Variants in RELN observed in about 807,000 individuals in gnomAD.
RELN encodes reelin.
A neutral mutation model predicts 427.6 loss-of-function variants in RELN; 108 were observed. That is an observed-to-expected ratio of 0.25 (90% CI 0.22 to 0.30). RELN has a LOEUF of 0.30. RELN is among the 10% of genes least tolerant of loss of function. RELN has a pLI of 1.00. For synonymous variants in RELN, 1,524 were observed against 1,513.4 expected (o/e 1.01, Z -0.16); for missense variants, 3,715 against 4,302.8 (o/e 0.86, Z 3.82).
In RELN at chr7:103,577,635, T is replaced by A. The variant is rs1348140379; in HGVS notation, c.4146-1930A>T. ...ATTCCTTCCCTTGGAGCTGTAACAT[T>A]ATTCAGCCTCTGAAGGTATTTGTCC... On this transcript the variant is annotated intron_variant, in intron 28 of 64. Transcript: ENST00000428762. Among the ~76,000 whole-genome samples, 4 of 152,048 alleles carry A rather than the reference T, an allele frequency of 2.6e-5. No individual in the cohort carries two copies. The East Asian group carries it at 7.7e-4, about 29-fold the overall frequency.
intron 12 of RELN, among the ~76,000 whole-genome samples, chr7:103,660,546 A>G (rs1242275823): frequency 6.6e-6 from 1 of 152,202 alleles, no homozygotes; most frequent in East Asian, 1.9e-4. Flanking sequence ...GAAGTGAGGA[A>G]TACAAGAGAA....
At chr7:103,719,634 T>C (rs1170366402) in intron 8 of RELN, among the ~76,000 whole-genome samples, 2 of 152,188 alleles carry the variant, frequency 1.3e-5, no homozygotes, top group Non-Finnish European at 2.9e-5. Flanking sequence ...ACTACCGCCA[T>C]TTCCTTTGGG....
At chr7:103,634,812 T>C (rs1029976224) in intron 19 of RELN, among the ~76,000 whole-genome samples, 2 of 152,200 alleles carry the variant, frequency 1.3e-5, no homozygotes, top group East Asian at 1.9e-4. Context: ...ATTCTATTCC[T>C]GTGTAATAGT....
chr7:103,492,400 T>TA (rs1407519500), intron 57 of RELN, among the ~76,000 whole-genome samples: 2 of 152,198 alleles, frequency 1.3e-5, no homozygotes, highest in East Asian at 3.8e-4. Context: ...TCTTGATTGT[T>TA]ACTATTAAAT....
In RELN at chr7:103,634,462, T is replaced by C. The variant is rs1187425365; in HGVS notation, c.2465+963A>G. On this transcript the variant is annotated intron_variant, in intron 19 of 64. Transcript: ENST00000428762. ...GTGGAAAGGATCTTTTAGACACACC[T>C]AAAATTGTACCACTAATGGTGTTAC... Among the ~76,000 whole-genome samples, 12 of 152,290 alleles carry C rather than the reference T, an allele frequency of 7.9e-5. No homozygotes were observed. In the South Asian group the frequency reaches 2.3e-3, roughly 29 times the overall value.
intron 46 of RELN, among the ~76,000 whole-genome samples, chr7:103,528,034 A>G (rs1829862731): frequency 2.0e-5 from 3 of 152,234 alleles, no homozygotes; most frequent in Non-Finnish European, 4.4e-5. Flanking sequence ...AATGTTGAAC[A>G]TAATTACCAG....
Position 103,573,207 on chromosome 7 carries a change from C to T in RELN, c.4511+885G>A, listed in dbSNP as rs1249512584. Reference sequence around the variant, plus strand: ...CCACCTGCCTCAGTCTCCCAAAGTGCTGGCATTACAGGTGTGAGCTACCGC... The same window carrying T: ...CCACCTGCCTCAGTCTCCCAAAGTGTTGGCATTACAGGTGTGAGCTACCGC... On this transcript the variant is annotated intron_variant, in intron 30 of 64. Transcript: ENST00000428762. This position sits in a 1 kb window ranked among gnomAD's most constrained non-coding sequence, Gnocchi z 4.4. 2.6e-5 allele frequency among the ~76,000 whole-genome samples: 4 copies of T among 152,234 alleles called. No individual in the cohort carries two copies. Among genetic ancestry groups the T allele is most frequent in the African/African-American group, 7.2e-5 (3 of 41,466 alleles).
Position 103,652,584 on chromosome 7 carries a change from T to C in RELN, c.1730A>G (p.Asn577Ser). The C allele has an allele frequency of 6.2e-7, 1 of 1,612,770 alleles. No individual in the cohort carries two copies. Among genetic ancestry groups the C allele is most frequent in the Non-Finnish European group, 8.5e-7 (1 of 1,179,216 alleles). The change falls in exon 14 of 65, where the codon AAT (asparagine) becomes AGT (serine). Residue 577 changes from asparagine (N) to serine (S), a missense_variant. Transcript: ENST00000428762. The stretch of plus-strand genomic sequence containing the variant: ...AGGCTGATGCGTTCCACATCCCAGA[T>C]TGATGGAAAACTGTATCATGTGAGA... ...TMSHMIQFSI[N>S]LGCGTHQPGN...
At chr7:103,756,382 T>C (rs527285877) in intron 4 of RELN, among the ~76,000 whole-genome samples, 4 of 152,326 alleles carry the variant, frequency 2.6e-5, no homozygotes, top group Non-Finnish European at 5.9e-5. Flanking sequence ...TGGTTTAAAC[T>C]ACACAATCCA....
chr7:103,495,893 T>C lies in RELN; in HGVS notation c.9199A>G (p.Thr3067Ala). The change falls in exon 57 of 65, where the codon ACT becomes GCT. Residue 3067 changes from threonine (T) to alanine (A), a missense_variant. Transcript: ENST00000428762. ...QLVDTFDDEG[T>A]SHEENWSFYP... ...AAACTCCAGTTTTCTTCATGGGAAG[T>C]GCCTTCTGTTAAGGAAAATTGGAAG... 6.2e-7 allele frequency: 1 copy of C among 1,613,668 alleles called. No homozygotes were observed. The highest frequency in any genetic ancestry group is 8.5e-7 in the Non-Finnish European group (1 of 1,179,796).
intron 11 of RELN, among the ~76,000 whole-genome samples, chr7:103,672,954 C>A (rs540627675): frequency 1.2e-4 from 19 of 152,128 alleles, no homozygotes; most frequent in African/African-American, 4.3e-4. Flanking sequence ...TGCCTCCTTG[C>A]TGCTTCTGTT....
At chr7:103,843,142 A>G (rs1273132006) in intron 2 of RELN, among the ~76,000 whole-genome samples, 1 of 152,136 alleles carries the variant, frequency 6.6e-6, no homozygotes, top group Non-Finnish European at 1.5e-5. Flanking sequence ...TACGGCACAC[A>G]GTGTTGTACA....
chr7:103,690,634 C>T (rs929342255), intron 10 of RELN, among the ~76,000 whole-genome samples: 1 of 152,092 alleles, frequency 6.6e-6, no homozygotes, highest in African/African-American at 2.4e-5. Flanking sequence ...TCGTAAACAA[C>T]AGTTGTGACA....
chr7:103,899,105 G>A (rs905451439), intron 2 of RELN, among the ~76,000 whole-genome samples: 1 of 151,896 alleles, frequency 6.6e-6, no homozygotes, highest in Non-Finnish European at 1.5e-5. Flanking sequence ...AATGATAAAG[G>A]GGATATCACC....
chr7:103,825,930 T>C (rs574114746), intron 3 of RELN, among the ~76,000 whole-genome samples: 2 of 152,082 alleles, frequency 1.3e-5, no homozygotes, highest in East Asian at 3.9e-4. Flanking sequence ...TCAAAGTTCG[T>C]GTGTTGGAAA....
chr7:103,871,775 A>C (rs1438540356), intron 2 of RELN, among the ~76,000 whole-genome samples: 1 of 152,114 alleles, frequency 6.6e-6, no homozygotes, highest in Non-Finnish European at 1.5e-5. Flanking sequence ...ACATTTTGGC[A>C]ACCACTATTT....
intron 52 of RELN, among the ~76,000 whole-genome samples, chr7:103,501,580 AC>A (rs1326157054): frequency 6.6e-6 from 1 of 152,264 alleles, no homozygotes; most frequent in African/African-American, 2.4e-5. Context: ...AATCCAAAGT[AC>A]ATGAAGGAAC....
chr7:103,537,662 A>G (rs1377061861), intron 45 of RELN, among the ~76,000 whole-genome samples: 1 of 152,148 alleles, frequency 6.6e-6, no homozygotes. Flanking sequence ...TCTACTTTCT[A>G]TGTGAAGAAG....
chr7:103,959,600 CCTCT>C (rs200164299), intron 1 of RELN, among the ~76,000 whole-genome samples: 5 of 149,274 alleles, frequency 3.3e-5, no homozygotes, highest in East Asian at 2.0e-4. Context: ...CAACCTGACT[CCTCT>C]CTCTCTCTCT....
Sources: gnomAD v4.1 joint callset for allele counts (sites outside exome capture counted in the v4.1 genomes callset) on GRCh38, gnomAD v4.1.1 for gene constraint, Gnocchi (gnomAD v3.1) non-coding constraint, MANE v1.5 for transcripts, NCBI Gene and HGNC (gene_info 2026-07-23, HGNC 2026-07-21) for gene names.